Variants in PEBP4 observed in about 807,000 individuals in gnomAD.
PEBP4 encodes phosphatidylethanolamine-binding protein 4.
PEBP4 carries 22 observed loss-of-function variants against 23.9 expected under a neutral mutation model. That is an observed-to-expected ratio of 0.92 (90% CI 0.66 to 1.31). The LOEUF is 1.31. Among genes scored for constraint, PEBP4 ranks in the 40% most tolerant of loss-of-function variants. The pLI is 0.00. For missense variants in PEBP4, 324 were observed against 281.7 expected (o/e 1.15, Z -1.07); for synonymous variants, 112 against 99.3 (o/e 1.13, Z -0.76).
chr8:22,760,520 G>A (rs1339071648), intron 4 of PEBP4, among the ~76,000 whole-genome samples: 2 of 152,120 alleles, frequency 1.3e-5, no homozygotes. Context: ...CATGGGGGTT[G>A]AGGCTGCTGA....
intron 4 of PEBP4, among the ~76,000 whole-genome samples, chr8:22,771,648 G>A (rs552511645): frequency 5.9e-5 from 9 of 152,332 alleles, no homozygotes; most frequent in African/African-American, 1.4e-4. Flanking sequence ...GAGGCAGGGC[G>A]CAGACACTGG....
At chr8:22,802,473 G>A (rs28413705) in intron 4 of PEBP4, among the ~76,000 whole-genome samples, 17,362 of 152,224 alleles carry the variant, frequency 0.11, 2,802 homozygotes, top group African/African-American at 0.36. Context: ...TTCGGGCCTC[G>A]CCCCTGCTCA....
At chr8:22,917,250 G>T (rs1809097352) in intron 3 of PEBP4, among the ~76,000 whole-genome samples, 1 of 152,124 alleles carries the variant, frequency 6.6e-6, no homozygotes, top group Admixed American at 6.5e-5. Context: ...TTCTCCATCA[G>T]GCCCAGAAGA....
At chr8:22,894,082 C>A (rs547878081) in intron 3 of PEBP4, among the ~76,000 whole-genome samples, 61 of 152,114 alleles carry the variant, frequency 4.0e-4, no homozygotes, top group Middle Eastern at 6.8e-3. Context: ...TGGCAGCCCG[C>A]GGCATATAGT....
chr8:22,746,861 A>G (rs964343717), intron 4 of PEBP4, among the ~76,000 whole-genome samples: 11 of 152,174 alleles, frequency 7.2e-5, no homozygotes, highest in African/African-American at 2.2e-4. Flanking sequence ...ATGGAGTTGT[A>G]AAAAGAATTA....
chr8:22,893,780 C>A (rs555424145), intron 3 of PEBP4, among the ~76,000 whole-genome samples: 1 of 151,954 alleles, frequency 6.6e-6, no homozygotes, highest in Admixed American at 6.5e-5. Flanking sequence ...CTGAAAAAAA[C>A]CCACCAGAAT....
chr8:22,810,728 G>A (rs1806607002), intron 4 of PEBP4, among the ~76,000 whole-genome samples: 1 of 150,882 alleles, frequency 6.6e-6, no homozygotes, highest in African/African-American at 2.4e-5. Flanking sequence ...GAGAGAGAGA[G>A]AAAGAGAAAG....
At position 22,878,325 on chromosome 8, in the gene PEBP4, A is replaced by T. The variant is rs1198934762; in HGVS notation, c.258+41859T>A. 2.0e-5 allele frequency among the ~76,000 whole-genome samples: 3 copies of T among 152,130 alleles called. No homozygotes were observed. In the East Asian group the frequency reaches 5.8e-4, roughly 29 times the overall value. On this transcript the variant is annotated intron_variant, in intron 3 of 6. Coordinates refer to ENST00000256404, the MANE Select transcript of PEBP4 (RefSeq NM_144962.3). ...GGTAAGATGGTATTTGGGGGCCTCT[A>T]CGGAAAACACATCCTGCAGGTCAGA...
Position 22,927,885 on chromosome 8 carries a change from C to T in PEBP4, c.-69G>A. On this transcript the variant is annotated 5_prime_UTR_variant, in exon 1 of 7. It adds an upstream start codon to the 5' untranslated region. Coordinates refer to ENST00000256404, the MANE Select transcript of PEBP4 (RefSeq NM_144962.3). ...AGGGCTCCGCAGCTAATCCAGTCCA[C>T]CACCCGGACACAAGTACTTTGGGAG... 1.4e-6 allele frequency: 1 copy of T among 713,120 alleles called. No homozygotes were observed. The highest frequency in any genetic ancestry group is 2.2e-6 in the Non-Finnish European group (1 of 449,554). 44.2% of individuals were successfully genotyped at this position (713,120 alleles called of 1,614,324 possible).
At chr8:22,894,408 CA>C (rs1290488921) in intron 3 of PEBP4, among the ~76,000 whole-genome samples, 1 of 151,636 alleles carries the variant, frequency 6.6e-6, no homozygotes, top group South Asian at 2.1e-4. Context: ...CCTGTCTCTA[CA>C]AAAAATAAAA....
intron 2 of PEBP4, chr8:22,924,995 G>A: frequency 1.0e-6 from 1 of 985,378 alleles, no homozygotes; most frequent in Non-Finnish European, 1.2e-6. Context: ...CACAAGAGGA[G>A]TGCCTTCTCT....
chr8:22,819,698 CG>C (rs1250614936), intron 3 of PEBP4, among the ~76,000 whole-genome samples: 1 of 150,900 alleles, frequency 6.6e-6, no homozygotes, highest in African/African-American at 2.4e-5. Flanking sequence ...GCTCTGCCTC[CG>C]GGGTTCACGC....
At chr8:22,877,267 A>C (rs145058805) in intron 3 of PEBP4, among the ~76,000 whole-genome samples, 16 of 152,278 alleles carry the variant, frequency 1.1e-4, no homozygotes, top group African/African-American at 3.8e-4. Context: ...AGGTGAGGAC[A>C]GCTGACTTTG....
At chr8:22,918,869 G>A (rs562986889) in intron 3 of PEBP4, among the ~76,000 whole-genome samples, 1 of 152,336 alleles carries the variant, frequency 6.6e-6, no homozygotes, top group South Asian at 2.1e-4. Flanking sequence ...CCAGTCCAAG[G>A]GTTTCCAGGG....
chr8:22,782,381 C>T (rs546051500), intron 4 of PEBP4, among the ~76,000 whole-genome samples: 14 of 152,324 alleles, frequency 9.2e-5, no homozygotes, highest in African/African-American at 3.4e-4. Context: ...CTGTCGAGCA[C>T]CTACTCTGTG....
At chr8:22,864,459 T>G (rs942957638) in intron 3 of PEBP4, among the ~76,000 whole-genome samples, 1 of 152,068 alleles carries the variant, frequency 6.6e-6, no homozygotes, top group Non-Finnish European at 1.5e-5. Flanking sequence ...GTGAGAAGGC[T>G]CTGGTGAAGA....
In PEBP4 at chr8:22,889,477, A is replaced by T. The variant is rs377642484; in HGVS notation, c.258+30707T>A. ...GCTCCGGGGAGCTCAGAGTTTAGGG[A>T]GATGGTAAATGGGAGAGAAAAATTA... On this transcript the variant is annotated intron_variant, in intron 3 of 6. Coordinates refer to ENST00000256404, the MANE Select transcript of PEBP4 (RefSeq NM_144962.3). Among the ~76,000 whole-genome samples the T allele has an allele frequency of 2.5e-4, 38 of 152,310 alleles. No homozygotes were observed. In the South Asian group the frequency reaches 7.9e-3, roughly 32 times the overall value.
intron 4 of PEBP4, among the ~76,000 whole-genome samples, chr8:22,733,798 AGGGTGGGGATGGGGGAATTGGGG>A (rs1804789739): frequency 2.7e-4 from 1 of 3,648 alleles, no homozygotes; most frequent in Non-Finnish European, 1.3e-3. Context: ...GGGTTTGGGG[AGGGTGGGGATGGGGGAATTGGGG>A]AGGGTGGGGA....
chr8:22,766,605 A>T (rs1805619339), intron 4 of PEBP4, among the ~76,000 whole-genome samples: 2 of 152,200 alleles, frequency 1.3e-5, no homozygotes, highest in Non-Finnish European at 2.9e-5. Flanking sequence ...ACATCCCTGC[A>T]CATTGCTGTG....
Sources: allele counts gnomAD v4.1 joint callset (sites outside exome capture counted in the v4.1 genomes callset), GRCh38; gene constraint gnomAD v4.1.1; transcripts MANE v1.5; gene names NCBI Gene and HGNC (gene_info 2026-07-23, HGNC 2026-07-21).